The following SMG6 variants were observed in gnomAD, a reference collection of about 807,000 sequenced individuals.
SMG6 encodes the protein SMG6 nonsense mediated mRNA decay factor.
A neutral mutation model predicts 142.2 loss-of-function variants in SMG6; 66 were observed. The observed-to-expected ratio is 0.46, with a 90% CI of 0.38 to 0.57. The LOEUF (loss-of-function observed/expected upper bound fraction) is 0.57, where lower values mean the gene tolerates loss of function less well. SMG6 is among the 20% of genes least tolerant of loss of function. The pLI is 0.00. For missense variants in SMG6, 1,793 were observed against 1,832.0 expected, an observed-to-expected ratio of 0.98 and a Z score of 0.39; for synonymous variants, 779 against 702.4, an observed-to-expected ratio of 1.11 and a Z score of -1.72.
chr17:2,081,995 G>C, intron 14 of SMG6, 39 bp from the exon 15 acceptor site: 1 of 1,611,464 alleles, frequency 6.2e-7, no homozygotes, highest in Non-Finnish European at 8.5e-7. Context: ...AGAGGAGACA[G>C]TTAGCTGGGC....
Position 2,065,536 on chromosome 17 carries a change from C to T in SMG6, c.3979G>A (p.Ala1327Thr). ...RFESRDSCLRALTSRGNELES... is the reference protein window; with the variant it reads ...RFESRDSCLRTLTSRGNELES... ...AGTTCATTGCCACGGCTGGTCAGGG[C>T]TCGCAGGCAAGAGTCCCGACTCTCG... is the stretch of plus-strand genomic sequence containing the variant. Residue 1327 changes from alanine (A) to threonine (T), a missense_variant, in exon 17 of 19, where the codon GCC becomes ACC. Coordinates refer to ENST00000263073, the MANE Select transcript of SMG6 (RefSeq NM_017575.5). 6.2e-7 allele frequency: 1 copy of T among 1,614,006 alleles called. No homozygotes were observed. The highest frequency in any genetic ancestry group is 8.5e-7 in the Non-Finnish European group (1 of 1,180,018).
chr17:2,175,839 A>G (rs1258043085), intron 12 of SMG6, among the ~76,000 whole-genome samples: 2 of 152,184 alleles, frequency 1.3e-5, no homozygotes, highest in Non-Finnish European at 2.9e-5. Context: ...GGTTAATTCA[A>G]ATTGGTCTTG....
chr17:2,249,610 C>T (rs2074003417), intron 8 of SMG6, among the ~76,000 whole-genome samples: 1 of 152,196 alleles, frequency 6.6e-6, no homozygotes, highest in Non-Finnish European at 1.5e-5. Context: ...AGGCGTGAGC[C>T]ACCTTGCCTG....
chr17:2,184,362 GGAA>G (rs1052223293), intron 12 of SMG6, among the ~76,000 whole-genome samples: 10 of 147,414 alleles, frequency 6.8e-5, no homozygotes, highest in African/African-American at 2.5e-4. Context: ...GACTCTGGGG[GGAA>G]AAAAAAAAAG....
chr17:2,112,218 A>AT (rs905449186), intron 13 of SMG6, among the ~76,000 whole-genome samples: 29 of 151,854 alleles, frequency 1.9e-4, no homozygotes, highest in African/African-American at 6.8e-4. Context: ...AAAAAAAAAA[A>AT]AGTCGGCCGG....
intron 10 of SMG6, among the ~76,000 whole-genome samples, chr17:2,211,560 A>C (rs2072863592): frequency 6.6e-6 from 1 of 150,866 alleles, no homozygotes; most frequent in South Asian, 2.1e-4. Flanking sequence ...GCTACTCGGG[A>C]GGCTGAGGCA....
At chr17:2,165,516 T>G (rs778372753) in intron 13 of SMG6, among the ~76,000 whole-genome samples, 1 of 152,222 alleles carries the variant, frequency 6.6e-6, no homozygotes, top group Admixed American at 6.5e-5. Flanking sequence ...TCCTTACTGG[T>G]TGAGCATCCC....
At chr17:2,164,638 CAAAT>C (rs1399118400) in intron 13 of SMG6, among the ~76,000 whole-genome samples, 1 of 151,686 alleles carries the variant, frequency 6.6e-6, no homozygotes, top group Non-Finnish European at 1.5e-5. Flanking sequence ...CAAAAACAAA[CAAAT>C]AAAAAAACAA....
intron 10 of SMG6, chr17:2,233,031 T>C (rs1218577734): frequency 2.0e-5 from 3 of 152,242 alleles, no homozygotes; most frequent in Non-Finnish European, 4.4e-5. Context: ...GGATTACTGA[T>C]ATTGCAGAAA....
At position 2,061,465 on chromosome 17, in the gene SMG6, CGG is replaced by C; in HGVS notation, c.*25_*26del. The C allele has an allele frequency of 2.2e-6, 3 of 1,358,758 alleles. No homozygotes were observed. The highest frequency in any genetic ancestry group is 3.0e-5 in the East Asian group (1 of 33,892). 84.2% of individuals were successfully genotyped at this position (1,358,758 alleles called of 1,614,324 possible). A position where few individuals can be genotyped will look rare whatever the true frequency, so the allele number is the denominator to read the frequency against. On this transcript the variant is annotated 3_prime_UTR_variant, in exon 19 of 19. Transcript: ENST00000263073. ...TGGTGGCCTTTCAGGAACGGTTCCA[CGG>C]GGGGGGGGCCCCAGTGTGGCTCCCT...
chr17:2,236,340 T>C (rs2073650624), intron 10 of SMG6, 152 bp downstream of exon 10: 10 of 652,404 alleles, frequency 1.5e-5, no homozygotes, highest in Non-Finnish European at 2.2e-5. Flanking sequence ...AAACTAAATA[T>C]CTGAGACAAT....
At chr17:2,223,557 G>C (rs138597627) in intron 10 of SMG6, among the ~76,000 whole-genome samples, 4 of 152,270 alleles carry the variant, frequency 2.6e-5, no homozygotes, top group Non-Finnish European at 5.9e-5. Flanking sequence ...AGGATTTCAT[G>C]GGCCAGCAAG....
chr17:2,179,545 G>A (rs897039888), intron 12 of SMG6, among the ~76,000 whole-genome samples: 2 of 151,354 alleles, frequency 1.3e-5, no homozygotes, highest in South Asian at 2.1e-4. Context: ...TATGGAAGAC[G>A]ATCCATGGAA....
At position 2,244,663 on chromosome 17, in the gene SMG6, C is replaced by T. The variant is rs756101455; in HGVS notation, c.2718G>A (p.Arg906=). Residue 906 remains arginine, a synonymous_variant, in exon 9 of 19, where the codon CGG becomes CGA. Coordinates refer to ENST00000263073, the MANE Select transcript of SMG6 (RefSeq NM_017575.5). ...FLHAHGKLFT[R]IGMETFPAVA... ...TAAACATCCTGCACACTTACCCAAT[C>T]CGGGTAAACAGCTTCCCATGGGCAT... The T allele has an allele frequency of 5.6e-6, 9 of 1,610,458 alleles. No individual in the cohort carries two copies. The highest frequency in any genetic ancestry group is 7.6e-6 in the Non-Finnish European group (9 of 1,176,634).
intron 8 of SMG6, among the ~76,000 whole-genome samples, chr17:2,246,218 A>G (rs2073923536): frequency 6.6e-6 from 1 of 152,198 alleles, no homozygotes; most frequent in South Asian, 2.1e-4. Context: ...AAGTAGAAAC[A>G]ATCTAAAAAC....
At chr17:2,130,208 C>T (rs1313545859) in intron 13 of SMG6, among the ~76,000 whole-genome samples, 9 of 137,118 alleles carry the variant, frequency 6.6e-5, no homozygotes, top group African/African-American at 2.0e-4. Context: ...TGCAGTGAGC[C>T]GAGATTGCGC....
chr17:2,262,161 G>A (rs1055959605), intron 8 of SMG6, among the ~76,000 whole-genome samples: 1 of 152,158 alleles, frequency 6.6e-6, no homozygotes, highest in Non-Finnish European at 1.5e-5. Context: ...CAGTCCTACT[G>A]TGTGTGTGAA....
intron 10 of SMG6, among the ~76,000 whole-genome samples, chr17:2,211,101 T>TTAAAA (rs375204812): frequency 3.5e-5 from 5 of 141,160 alleles, no homozygotes; most frequent in South Asian, 2.3e-4. Flanking sequence ...TGGATTTTAT[T>TTAAAA]AAAAAAAAAA....
At chr17:2,284,780 A>C (rs1290645290) in intron 6 of SMG6, among the ~76,000 whole-genome samples, 4 of 152,206 alleles carry the variant, frequency 2.6e-5, no homozygotes, top group Non-Finnish European at 5.9e-5. Context: ...TGCAAAATGG[A>C]AATGTTTACA....
Sources: gnomAD v4.1 joint callset for allele counts (sites outside exome capture counted in the v4.1 genomes callset) on GRCh38, gnomAD v4.1.1 for gene constraint, MANE v1.5 for transcripts, NCBI Gene and HGNC (gene_info 2026-07-23, HGNC 2026-07-21) for gene names.